Variants in DGKB observed in about 807,000 individuals in gnomAD.
DGKB encodes 90 kDa diacylglycerol kinase.
Under a neutral mutation model 114.3 loss-of-function variants are expected in DGKB, and 67 were observed. That is an observed-to-expected ratio of 0.59 (90% CI 0.48 to 0.72). The LOEUF (loss-of-function observed/expected upper bound fraction) is 0.72, where lower values mean the gene tolerates loss of function less well. Among genes scored for constraint, DGKB ranks in the 30% least tolerant of loss-of-function variants. The pLI is 0.00. For missense variants in DGKB, 907 were observed against 975.2 expected, an observed-to-expected ratio of 0.93 and a Z score of 0.93; for synonymous variants, 398 against 323.1, an observed-to-expected ratio of 1.23 and a Z score of -2.49.
chr7:14,441,629 G>T (rs1401120525), intron 21 of DGKB, among the ~76,000 whole-genome samples: 1 of 151,978 alleles, frequency 6.6e-6, no homozygotes, highest in Non-Finnish European at 1.5e-5. Flanking sequence ...GATCTTGAAT[G>T]CAGTACAAAT....
intron 4 of DGKB, among the ~76,000 whole-genome samples, chr7:14,748,536 A>G (rs1283724143): frequency 6.6e-6 from 1 of 152,160 alleles, no homozygotes; most frequent in Non-Finnish European, 1.5e-5. Flanking sequence ...GGAGCCAGTG[A>G]GGAGGAGCAG....
chr7:14,685,039 A>AT (rs1283663009), intron 10 of DGKB, among the ~76,000 whole-genome samples: 3 of 152,166 alleles, frequency 2.0e-5, no homozygotes, highest in South Asian at 2.1e-4. Context: ...AATGTCCTTC[A>AT]TTTTTTTCCA....
intron 15 of DGKB, among the ~76,000 whole-genome samples, chr7:14,617,856 T>C (rs1187536331): frequency 6.6e-6 from 1 of 151,702 alleles, no homozygotes; most frequent in East Asian, 1.9e-4. Flanking sequence ...ACTTTATTAA[T>C]GGGGCCTAAA....
chr7:14,290,496 G>A (rs1485829682), intron 23 of DGKB, among the ~76,000 whole-genome samples: 3 of 152,032 alleles, frequency 2.0e-5, no homozygotes, highest in South Asian at 2.1e-4. Context: ...TGATGCTCAC[G>A]TCCATCAAAG....
chr7:14,786,665 T>A (rs569796169), intron 2 of DGKB, among the ~76,000 whole-genome samples: 14 of 152,230 alleles, frequency 9.2e-5, no homozygotes, highest in Non-Finnish European at 1.9e-4. Flanking sequence ...CCCACTGTGA[T>A]TTCCGAGCAA....
intron 15 of DGKB, among the ~76,000 whole-genome samples, chr7:14,616,243 C>T (rs1305362936): frequency 6.7e-6 from 1 of 148,322 alleles, no homozygotes; most frequent in Non-Finnish European, 1.5e-5. Context: ...TATATATACA[C>T]ACAATACAAC....
At chr7:14,385,619 TA>T (rs1820209043) in intron 21 of DGKB, among the ~76,000 whole-genome samples, 1 of 152,224 alleles carries the variant, frequency 6.6e-6, no homozygotes, top group Non-Finnish European at 1.5e-5. Flanking sequence ...CTGTGTGTGA[TA>T]AATCCCATTG....
At chr7:14,937,488 G>T (rs970900657) in intron 1 of DGKB, among the ~76,000 whole-genome samples, 1 of 151,994 alleles carries the variant, frequency 6.6e-6, no homozygotes, top group Non-Finnish European at 1.5e-5. Context: ...ACTATATATA[G>T]TCTGTGTGTA....
intron 1 of DGKB, among the ~76,000 whole-genome samples, chr7:14,939,390 G>C (rs1239717729): frequency 1.3e-5 from 2 of 152,060 alleles, no homozygotes; most frequent in Non-Finnish European, 2.9e-5. Flanking sequence ...TCTCAGTGAA[G>C]TTTAACTAGA....
intron 13 of DGKB, among the ~76,000 whole-genome samples, chr7:14,643,332 T>C (rs1233382433): frequency 1.4e-5 from 2 of 144,260 alleles, no homozygotes; most frequent in African/African-American, 2.5e-5. Context: ...GAGAGTTTCC[T>C]GGAGTTCACA....
At chr7:14,737,283 AT>A (rs11348925) in intron 4 of DGKB, among the ~76,000 whole-genome samples, 41,785 of 82,270 alleles carry the variant, frequency 0.51, 9,762 homozygotes, top group Non-Finnish European at 0.58. Context: ...TTGAAGGCCA[AT>A]TTTTTTTTTT....
intron 6 of DGKB, among the ~76,000 whole-genome samples, chr7:14,714,867 A>G (rs1827942921): frequency 6.6e-6 from 1 of 152,222 alleles, no homozygotes; most frequent in African/African-American, 2.4e-5. Context: ...TGGGCAACCA[A>G]AAGTCAGCAA....
intron 1 of DGKB, among the ~76,000 whole-genome samples, chr7:14,965,488 T>C (rs1051051030): frequency 2.0e-5 from 3 of 152,094 alleles, no homozygotes; most frequent in Non-Finnish European, 4.4e-5. Context: ...GCATCATTTA[T>C]AGCATGGTTT....
chr7:14,613,566 C>A (rs201588693), intron 15 of DGKB, among the ~76,000 whole-genome samples, 153 bp from the exon 16 acceptor site: 2 of 127,928 alleles, frequency 1.6e-5, no homozygotes, highest in Admixed American at 1.5e-4. Flanking sequence ...TGAGTGTGTG[C>A]GTGTGTGTGC....
chr7:14,300,448 G>A (rs1803333090), intron 23 of DGKB, among the ~76,000 whole-genome samples: 1 of 152,042 alleles, frequency 6.6e-6, no homozygotes, highest in East Asian at 1.9e-4. Flanking sequence ...TACATACAAT[G>A]ATATTGTTAA....
chr7:14,201,408 G>A (rs1004708156), intron 23 of DGKB, among the ~76,000 whole-genome samples: 11 of 151,976 alleles, frequency 7.2e-5, no homozygotes, highest in Non-Finnish European at 1.5e-4. Flanking sequence ...ACAGCAGGGT[G>A]ATCAATTAGA....
At chr7:14,173,000 C>T (rs1198652911) in intron 25 of DGKB, among the ~76,000 whole-genome samples, 2 of 152,086 alleles carry the variant, frequency 1.3e-5, no homozygotes, top group South Asian at 2.1e-4. Context: ...GACAGCTCTT[C>T]TAAGACAATT....
chr7:14,366,773 T>C (rs1465185724), intron 21 of DGKB, among the ~76,000 whole-genome samples: 1 of 152,172 alleles, frequency 6.6e-6, no homozygotes, highest in Non-Finnish European at 1.5e-5. Context: ...TAGATGCTAG[T>C]AAAAGCTAAG....
chr7:14,921,450 A>C (rs1025014343), intron 1 of DGKB, among the ~76,000 whole-genome samples: 7 of 152,224 alleles, frequency 4.6e-5, no homozygotes, highest in Non-Finnish European at 8.8e-5. Context: ...CAAACCGAAC[A>C]TCATTAGAAA....
Sources: gnomAD v4.1 joint callset for allele counts (sites outside exome capture counted in the v4.1 genomes callset) on GRCh38, gnomAD v4.1.1 for gene constraint, MANE v1.5 for transcripts, NCBI Gene and HGNC (gene_info 2026-07-23, HGNC 2026-07-21) for gene names.